The following FGF17 variants were observed in gnomAD, a reference collection of about 807,000 sequenced individuals.
FGF17 encodes fibroblast growth factor 17.
In FGF17, 5 loss-of-function variants were observed where a neutral mutation model predicts 23.5. That is an observed-to-expected ratio of 0.21 (90% CI 0.11 to 0.45). The LOEUF (loss-of-function observed/expected upper bound fraction) is 0.45. FGF17 is among the 20% of genes least tolerant of loss of function. FGF17 has a pLI of 0.99. For synonymous variants in FGF17, 136 were observed against 123.0 expected, an observed-to-expected ratio of 1.11 and a Z score of -0.70; for missense variants, 221 against 306.9, an observed-to-expected ratio of 0.72 and a Z score of 2.09.
intron 2 of FGF17, chr8:22,045,786 C>T (rs1034160895): frequency 4.8e-6 from 6 of 1,251,314 alleles, no homozygotes; most frequent in East Asian, 8.7e-5. Context: ...GTGCCCCGTG[C>T]ACCTCCTTCA....
intron 2 of FGF17, chr8:22,045,826 G>T: frequency 7.4e-7 from 1 of 1,344,462 alleles, no homozygotes; most frequent in Non-Finnish European, 9.6e-7. Context: ...AGAACCCTGA[G>T]GGCTCCTTCC....
At chr8:22,041,040 G>A (rs897218844), upstream of FGF17, among the ~76,000 whole-genome samples, 1 of 152,196 alleles carries the variant, frequency 6.6e-6, no homozygotes, top group African/African-American at 2.4e-5. Flanking sequence ...GGCTTTGGGC[G>A]AGTCCCTTGC....
At chr8:22,044,922 G>C (rs1172401236) in intron 2 of FGF17, 2 of 985,454 alleles carry the variant, frequency 2.0e-6, no homozygotes, top group Non-Finnish European at 1.2e-6. Flanking sequence ...GGTTGGGCCT[G>C]GGATAAAGGT....
chr8:22,043,187 C>A lies in FGF17; in HGVS notation c.72+6C>A, dbSNP rs370876306. 1.2e-6 allele frequency: 2 copies of A among 1,613,066 alleles called. No homozygotes were observed. Among genetic ancestry groups the A allele is most frequent in the Non-Finnish European group, 1.7e-6 (2 of 1,179,934 alleles). The stretch of plus-strand genomic sequence containing the variant: ...TTCTCTGCTGTCAAACTCAGGTAGG[C>A]GGGCATTCCCACCGGCTTTCCCCCA... On this transcript the variant is annotated splice_donor_region_variant and intron_variant, in intron 2 of 4. Transcript: ENST00000359441.
Position 22,046,610 on chromosome 8 carries a change from A to G in FGF17, c.334A>G (p.Lys112Glu). The change falls in exon 4 of 5, where the codon AAG (lysine) becomes GAG (glutamate). Residue 112 changes from lysine to glutamate, a missense_variant. Physicochemically the swap from Lys to Glu is moderately conservative, Grantham distance 56. Transcript: ENST00000359441. ...GAGTGAGAAGTACATCTGTATGAAC[A>G]AGAGGGGCAAGCTCATCGGGAAGGT... ...AESEKYICMN[K>E]RGKLIGKPSG... 1 of 1,613,470 alleles carries G rather than the reference A, an allele frequency of 6.2e-7. No homozygotes were observed. The highest frequency in any genetic ancestry group is 8.5e-7 in the Non-Finnish European group (1 of 1,179,518).
At chr8:22,042,074 G>A (rs1467947661), upstream of FGF17, among the ~76,000 whole-genome samples, 6 of 152,212 alleles carry the variant, frequency 3.9e-5, no homozygotes, top group Non-Finnish European at 5.9e-5. Flanking sequence ...AACACCCTGA[G>A]GCATTACTGT....
chr8:22,046,462 C>T lies in FGF17; in HGVS notation c.251-65C>T, dbSNP rs1157945024. The T allele has an allele frequency of 4.1e-6, 6 of 1,466,372 alleles. No individual in the cohort carries two copies. The Admixed American group carries it at 7.2e-5, about 18-fold the overall frequency. 90.8% of individuals were successfully genotyped at this position (1,466,372 alleles called of 1,614,324 possible). A position where few individuals can be genotyped will look rare whatever the true frequency, so the allele number is the denominator to read the frequency against. On this transcript the variant is annotated intron_variant, in intron 3 of 4. Transcript: ENST00000359441. ...TGGAGGTCAGTGTGGCTGGGTGGTC[C>T]CCTGCTGTAGCCATAGGCCGGCAGC...
chr8:22,041,290 A>T (rs1331112640), upstream of FGF17, among the ~76,000 whole-genome samples: 2 of 152,208 alleles, frequency 1.3e-5, no homozygotes, highest in African/African-American at 4.8e-5. Flanking sequence ...TGGTCAGTGC[A>T]TGGGGGCAGG....
intron 2 of FGF17, 147 bp downstream of exon 2, chr8:22,043,328 G>A: frequency 2.5e-6 from 2 of 807,204 alleles, no homozygotes; most frequent in Non-Finnish European, 4.1e-6. Flanking sequence ...GGAGGGGAGT[G>A]AGCCTTTGAC....
chr8:22,045,472 C>T, intron 2 of FGF17: 1 of 990,600 alleles, frequency 1.0e-6, no homozygotes, highest in Non-Finnish European at 1.2e-6. Context: ...CCCTGAGCAC[C>T]AGGGGGCAAG....
chr8:22,046,388 G>C (rs1800867693), intron 3 of FGF17, 97 bp downstream of exon 3: 1 of 1,506,152 alleles, frequency 6.6e-7, no homozygotes. Context: ...CCTGTGTCAG[G>C]GCTGAGGGCC....
At chr8:22,044,034 C>A (rs553686845) in intron 2 of FGF17, among the ~76,000 whole-genome samples, 38 of 151,942 alleles carry the variant, frequency 2.5e-4, no homozygotes, top group African/African-American at 8.4e-4. Context: ...AATTCCCCCC[C>A]CCTTCCTTCC....
At chr8:22,046,330 A>C in intron 3 of FGF17, 39 bp downstream of exon 3, 1 of 1,592,586 alleles carries the variant, frequency 6.3e-7, no homozygotes, top group Non-Finnish European at 8.6e-7. Flanking sequence ...CCACACCTCC[A>C]CTCTGCCTCA....
In FGF17 at chr8:22,046,273, G is replaced by A. The variant is rs1162160811; in HGVS notation, c.232G>A (p.Glu78Lys). The A allele has an allele frequency of 5.6e-6, 9 of 1,613,464 alleles. No individual in the cohort carries two copies. Among genetic ancestry groups the A allele is most frequent in the Non-Finnish European group, 7.6e-6 (9 of 1,179,856 alleles). ...CGGGCGTCGCATCTCCGCCACCGCC[G>A]AGGACGGCAACAAGTTTGGTGAGAG... Reference protein sequence around the residue: ...VTGRRISATAEDGNKFAKLIV... With the variant: ...VTGRRISATAKDGNKFAKLIV... The change falls in exon 3 of 5, where the codon GAG becomes AAG. Residue 78 changes from glutamate (E) to lysine (K), a missense_variant. Coordinates refer to ENST00000359441, the MANE Select transcript of FGF17 (RefSeq NM_003867.4).
At chr8:22,046,425 T>C in intron 3 of FGF17, 102 bp from the exon 4 acceptor site, 1 of 1,414,078 alleles carries the variant, frequency 7.1e-7, no homozygotes, top group Admixed American at 2.0e-5. Flanking sequence ...CCCCAACCCC[T>C]TCGCCTGAGT....
Position 22,046,054 on chromosome 8 carries a change from G to A in FGF17, c.73-60G>A, listed in dbSNP as rs755997645. On this transcript the variant is annotated intron_variant, in intron 2 of 4. Coordinates refer to ENST00000359441, the MANE Select transcript of FGF17 (RefSeq NM_003867.4). ...CCTCCTCACCCCTCTCCCTTGGATG[G>A]ACCAGTGGTGGTGTCACCCAAAGCA... 2.5e-6 allele frequency: 4 copies of A among 1,613,528 alleles called. No homozygotes were observed. The East Asian group carries it at 8.9e-5, about 36-fold the overall frequency.
At chr8:22,045,070 C>A in intron 2 of FGF17, 2 of 985,532 alleles carry the variant, frequency 2.0e-6, no homozygotes, top group Non-Finnish European at 2.4e-6. Context: ...GGAAACCTAG[C>A]CCGGGTCGCA....
intron 4 of FGF17, among the ~76,000 whole-genome samples, chr8:22,046,942 C>T (rs1345930610): frequency 8.5e-6 from 1 of 117,684 alleles, no homozygotes; most frequent in African/African-American, 3.2e-5. Context: ...TGCCACCATG[C>T]CCAGCTAATT....
chr8:22,039,968 C>T (rs1182662042), upstream of FGF17, among the ~76,000 whole-genome samples: 1 of 152,090 alleles, frequency 6.6e-6, no homozygotes, highest in Non-Finnish European at 1.5e-5. Context: ...GAACTTGGCA[C>T]TATGGGGTGA....
Sources: gnomAD v4.1 joint callset for allele counts (sites outside exome capture counted in the v4.1 genomes callset) on GRCh38, gnomAD v4.1.1 for gene constraint, MANE v1.5 for transcripts, NCBI Gene and HGNC (gene_info 2026-07-23, HGNC 2026-07-21) for gene names.